MAN1A1: variants seen among roughly 807,000 people sequenced by gnomAD.
The protein encoded by MAN1A1 is mannosidase alpha class 1A member 1.
In MAN1A1, 29 loss-of-function variants were observed where a neutral mutation model predicts 70.8. The ratio of observed to expected loss-of-function variants is 0.41; its 90% CI spans 0.31 to 0.56. The LOEUF (loss-of-function observed/expected upper bound fraction) is 0.56, where lower values mean the gene tolerates loss of function less well. Among genes scored for constraint, MAN1A1 ranks in the 20% least tolerant of loss-of-function variants. MAN1A1 has a pLI of 0.29. For synonymous variants in MAN1A1, 349 were observed against 330.1 expected (o/e 1.06, Z -0.62); for missense variants, 747 against 841.3 (o/e 0.89, Z 1.39).
At chr6:119,281,475 G>A (rs1009404664) in intron 5 of MAN1A1, among the ~76,000 whole-genome samples, 5 of 152,190 alleles carry the variant, frequency 3.3e-5, no homozygotes, top group African/African-American at 1.2e-4. Flanking sequence ...TCAGACAAGT[G>A]CATTAAAAGC....
chr6:119,278,968 T>C (rs1286071266), intron 5 of MAN1A1, among the ~76,000 whole-genome samples: 2 of 152,014 alleles, frequency 1.3e-5, no homozygotes, highest in Non-Finnish European at 1.5e-5. Context: ...CAAATAAATC[T>C]CTCTTCTTTA....
At chr6:119,235,684 A>T (rs989493568) in intron 6 of MAN1A1, among the ~76,000 whole-genome samples, 3 of 152,216 alleles carry the variant, frequency 2.0e-5, no homozygotes, top group African/African-American at 7.2e-5. Context: ...TAGATGAAAC[A>T]GCCTTCTGCT....
At chr6:119,321,516 T>C (rs1053137037) in intron 2 of MAN1A1, among the ~76,000 whole-genome samples, 5 of 152,138 alleles carry the variant, frequency 3.3e-5, no homozygotes, top group Admixed American at 6.6e-5. Context: ...CTTGGTCCTG[T>C]CTCAGAAGGT....
chr6:119,293,893 A>G (rs1406230775), intron 4 of MAN1A1, among the ~76,000 whole-genome samples: 2 of 152,110 alleles, frequency 1.3e-5, no homozygotes, highest in Admixed American at 6.6e-5. Flanking sequence ...TAACTAATTT[A>G]TTCTGAGTCT....
intron 5 of MAN1A1, among the ~76,000 whole-genome samples, chr6:119,257,996 T>C (rs1562213791): frequency 6.6e-6 from 1 of 152,150 alleles, no homozygotes; most frequent in Non-Finnish European, 1.5e-5. Context: ...TGACAAATAA[T>C]TTCTGAAAAT....
At chr6:119,303,513 T>G (rs1256288292) in intron 3 of MAN1A1, among the ~76,000 whole-genome samples, 2 of 152,170 alleles carry the variant, frequency 1.3e-5, no homozygotes, top group Non-Finnish European at 2.9e-5. Context: ...TCCTTAGTCT[T>G]AAAATATCCC....
At chr6:119,190,474 C>T (rs1179880709) in intron 9 of MAN1A1, among the ~76,000 whole-genome samples, 2 of 152,154 alleles carry the variant, frequency 1.3e-5, no homozygotes, top group Non-Finnish European at 2.9e-5. Flanking sequence ...TCTCAGCATC[C>T]TAATCCATAA....
In MAN1A1 at chr6:119,204,819, G is replaced by T; in HGVS notation, c.1056C>A (p.Thr352=). The stretch of plus-strand genomic sequence containing the variant: ...TCAAGTGCATAAACTCCAAATGCAG[G>T]GTTCCAAATTCTGCCAGAATACTGC... ...GGSSILAEFG[T]LHLEFMHLSH... The change falls in exon 7 of 13, where the codon ACC becomes ACA. Residue 352 remains threonine (T), a synonymous_variant. Transcript: ENST00000368468. The T allele has an allele frequency of 1.2e-6, 2 of 1,613,852 alleles. No homozygotes were observed. Among genetic ancestry groups the T allele is most frequent in the Non-Finnish European group, 1.7e-6 (2 of 1,179,796 alleles).
At chr6:119,308,620 T>C (rs1203522102) in intron 2 of MAN1A1, among the ~76,000 whole-genome samples, 1 of 152,186 alleles carries the variant, frequency 6.6e-6, no homozygotes, top group Non-Finnish European at 1.5e-5. Flanking sequence ...TAATCACGTT[T>C]ATTAAATTTT....
intron 2 of MAN1A1, among the ~76,000 whole-genome samples, chr6:119,318,976 T>G (rs776564092): frequency 4.6e-5 from 7 of 152,228 alleles, no homozygotes; most frequent in Non-Finnish European, 7.3e-5. Context: ...ATGTCAATAA[T>G]ACTCTAAACA....
intron 2 of MAN1A1, among the ~76,000 whole-genome samples, chr6:119,328,786 C>T (rs549230128): frequency 4.6e-5 from 7 of 152,242 alleles, no homozygotes; most frequent in African/African-American, 1.7e-4. Flanking sequence ...GGCTGTGAAA[C>T]GGTTACCATC....
At chr6:119,308,300 C>CA (rs943249590) in intron 2 of MAN1A1, among the ~76,000 whole-genome samples, 2 of 151,538 alleles carry the variant, frequency 1.3e-5, no homozygotes, top group African/African-American at 2.4e-5. Flanking sequence ...AATGAGTCAG[C>CA]AAAAAAAATC....
chr6:119,350,527 C>T (rs544289610), upstream of MAN1A1: 2 of 985,252 alleles, frequency 2.0e-6, no homozygotes, highest in Non-Finnish European at 2.4e-6. Context: ...ATTCATTTAC[C>T]TCATAGAAGT....
At chr6:119,282,063 T>A (rs1026892791) in intron 5 of MAN1A1, among the ~76,000 whole-genome samples, 1 of 152,102 alleles carries the variant, frequency 6.6e-6, no homozygotes, top group African/African-American at 2.4e-5. Flanking sequence ...CAAGACTCCG[T>A]CTCAGAAAAC....
At position 119,306,912 on chromosome 6, in the gene MAN1A1, A is replaced by C. The variant is rs1455782444; in HGVS notation, c.684T>G (p.His228Gln). ...NELKPISKGG[H>Q]SSSLFGNIKG... ...TCTACTCACCAAACAAACTGCTTGA[A>C]TGGCCTCCTTTTGATATAGGTTTGA... Residue 228 changes from histidine to glutamine, a missense_variant, in exon 3 of 13, where the codon CAT becomes CAG. This residue lies in a region of MAN1A1 where 419 missense variants were observed against 548.2 expected (regional missense o/e 0.76). Transcript: ENST00000368468. 1 of 1,588,328 alleles carries C rather than the reference A, an allele frequency of 6.3e-7. No homozygotes were observed. Among genetic ancestry groups the C allele is most frequent in the African/African-American group, 1.3e-5 (1 of 74,306 alleles).
intron 2 of MAN1A1, among the ~76,000 whole-genome samples, chr6:119,334,570 C>T (rs567512147): frequency 1.4e-3 from 217 of 152,284 alleles, no homozygotes; most frequent in Non-Finnish European, 2.8e-3. Context: ...CAAATCTAAT[C>T]CTCCAGGCAT....
chr6:119,255,702 C>T (rs906653959), intron 5 of MAN1A1, among the ~76,000 whole-genome samples: 1 of 152,148 alleles, frequency 6.6e-6, no homozygotes, highest in East Asian at 1.9e-4. Context: ...TGGTTTACTG[C>T]CAGCTACACC....
At chr6:119,281,628 T>A (rs1776226940) in intron 5 of MAN1A1, among the ~76,000 whole-genome samples, 1 of 152,318 alleles carries the variant, frequency 6.6e-6, no homozygotes, top group African/African-American at 2.4e-5. Flanking sequence ...GAACATGCTG[T>A]CTTAATCCAC....
At chr6:119,213,146 T>C (rs886414538) in intron 6 of MAN1A1, among the ~76,000 whole-genome samples, 6 of 152,240 alleles carry the variant, frequency 3.9e-5, no homozygotes, top group Non-Finnish European at 1.5e-5. Context: ...AGACAGTTAA[T>C]TAAACCATCT....
Sources: gnomAD v4.1 joint callset for allele counts (sites outside exome capture counted in the v4.1 genomes callset) on GRCh38, gnomAD v4.1.1 for gene constraint, gnomAD v4.1.1 regional missense constraint, MANE v1.5 for transcripts, NCBI Gene and HGNC (gene_info 2026-07-23, HGNC 2026-07-21) for gene names.